The following ERC2 variants were observed in gnomAD, a reference collection of about 807,000 sequenced individuals.
The protein encoded by ERC2 is ELKS/RAB6-interacting/CAST family member 2.
ERC2 carries 42 observed loss-of-function variants against 114.8 expected under a neutral mutation model. The observed-to-expected ratio is 0.37, with a 90% CI of 0.29 to 0.47. The LOEUF (loss-of-function observed/expected upper bound fraction) is 0.47, where lower values mean the gene tolerates loss of function less well. ERC2 is among the 20% of genes least tolerant of loss of function. The pLI is 0.99. For missense variants in ERC2, 939 were observed against 1,150.7 expected, an observed-to-expected ratio of 0.82 and a Z score of 2.66; for synonymous variants, 454 against 425.5, an observed-to-expected ratio of 1.07 and a Z score of -0.82.
chr3:56,383,776 C>G (rs1030557247), intron 2 of ERC2, among the ~76,000 whole-genome samples: 2 of 152,058 alleles, frequency 1.3e-5, no homozygotes, highest in African/African-American at 2.4e-5. Context: ...CAATCATCAC[C>G]ACCATCCATC....
intron 12 of ERC2, among the ~76,000 whole-genome samples, chr3:55,975,288 T>C (rs2069495652): frequency 2.0e-5 from 3 of 152,232 alleles, no homozygotes; most frequent in Non-Finnish European, 2.9e-5. Context: ...TCTGCTGCAA[T>C]TATAGGAACA....
At chr3:56,201,221 A>G (rs1399653807) in intron 3 of ERC2, among the ~76,000 whole-genome samples, 2 of 152,224 alleles carry the variant, frequency 1.3e-5, no homozygotes, top group African/African-American at 4.8e-5. Context: ...CAAGAATTAA[A>G]TCCAGCAAAC....
intron 2 of ERC2, among the ~76,000 whole-genome samples, chr3:56,394,317 T>C (rs2060228764): frequency 6.6e-6 from 1 of 152,216 alleles, no homozygotes; most frequent in Non-Finnish European, 1.5e-5. Context: ...ATATTATTAA[T>C]ATTTCAAATA....
chr3:56,118,134 T>C (rs1025361390), intron 6 of ERC2, among the ~76,000 whole-genome samples: 2 of 152,172 alleles, frequency 1.3e-5, no homozygotes, highest in Non-Finnish European at 2.9e-5. Flanking sequence ...CTTCAGACAA[T>C]GGGGCCTAGA....
chr3:56,133,842 T>C (rs187270889), intron 6 of ERC2, among the ~76,000 whole-genome samples: 2 of 152,340 alleles, frequency 1.3e-5, no homozygotes, highest in Admixed American at 6.5e-5. Flanking sequence ...TTGCACAGCA[T>C]AGATGCCCAG....
intron 17 of ERC2, among the ~76,000 whole-genome samples, chr3:55,679,450 C>A (rs1184397580): frequency 1.3e-5 from 2 of 152,120 alleles, no homozygotes; most frequent in Admixed American, 1.3e-4. Context: ...AAGCCATGAC[C>A]AAAACGTGCA....
intron 3 of ERC2, among the ~76,000 whole-genome samples, chr3:56,188,666 T>C (rs2083788210): frequency 2.0e-5 from 3 of 152,296 alleles, no homozygotes; most frequent in South Asian, 4.1e-4. Flanking sequence ...TGAAGCCTTG[T>C]AGTATAAAAT....
At chr3:55,549,956 G>C (rs1228391016) in intron 17 of ERC2, among the ~76,000 whole-genome samples, 7 of 117,648 alleles carry the variant, frequency 5.9e-5, no homozygotes, top group African/African-American at 2.1e-4. Flanking sequence ...GAGAGAGAGA[G>C]AGACAGAGAG....
At chr3:55,656,239 A>C (rs945416753) in intron 17 of ERC2, among the ~76,000 whole-genome samples, 20 of 152,176 alleles carry the variant, frequency 1.3e-4, no homozygotes, top group South Asian at 2.1e-4. Flanking sequence ...CCTGGTCTCA[A>C]GTGATCTTCC....
At chr3:56,209,931 G>A (rs1053626856) in intron 3 of ERC2, among the ~76,000 whole-genome samples, 1 of 151,992 alleles carries the variant, frequency 6.6e-6, no homozygotes, top group East Asian at 1.9e-4. Context: ...CTCTTACTTC[G>A]CCCTTGACAA....
intron 3 of ERC2, among the ~76,000 whole-genome samples, chr3:56,278,417 G>A (rs76439598): frequency 0.013 from 1,998 of 152,252 alleles, 37 homozygotes; most frequent in African/African-American, 0.044. Context: ...GGTAGATAAG[G>A]AATAACTAAA....
chr3:56,051,268 A>G (rs1051148178), intron 7 of ERC2, among the ~76,000 whole-genome samples: 3 of 148,512 alleles, frequency 2.0e-5, no homozygotes, highest in African/African-American at 7.4e-5. Flanking sequence ...GAATGAAAAC[A>G]TTTACCAGCA....
intron 17 of ERC2, among the ~76,000 whole-genome samples, chr3:55,638,032 A>T (rs2060026462): frequency 1.3e-5 from 2 of 152,172 alleles, no homozygotes; most frequent in Non-Finnish European, 2.9e-5. Flanking sequence ...CTTAAGCCAG[A>T]TTCCTCTTAC....
At chr3:55,744,330 G>C (rs1002918283) in intron 14 of ERC2, among the ~76,000 whole-genome samples, 1 of 152,188 alleles carries the variant, frequency 6.6e-6, no homozygotes, top group African/African-American at 2.4e-5. Flanking sequence ...CTGGAACCCA[G>C]CAGGGGGAGG....
At chr3:55,754,726 G>C (rs1018925940) in intron 14 of ERC2, among the ~76,000 whole-genome samples, 2 of 151,466 alleles carry the variant, frequency 1.3e-5, no homozygotes, top group African/African-American at 4.8e-5. Context: ...AATAACAGAT[G>C]CTAAATATCT....
chr3:55,907,525 G>A (rs2064530940), intron 13 of ERC2, among the ~76,000 whole-genome samples: 2 of 152,182 alleles, frequency 1.3e-5, no homozygotes, highest in African/African-American at 2.4e-5. Context: ...ATGAATCAGA[G>A]GTCTTTGTCT....
intron 17 of ERC2, among the ~76,000 whole-genome samples, chr3:55,577,644 G>C (rs2057051561): frequency 6.6e-6 from 1 of 152,134 alleles, no homozygotes; most frequent in Non-Finnish European, 1.5e-5. Flanking sequence ...ATAGTCACCA[G>C]ATAAGTCAGG....
chr3:56,304,924 A>G (rs2056119416), intron 2 of ERC2, among the ~76,000 whole-genome samples: 2 of 152,168 alleles, frequency 1.3e-5, no homozygotes, highest in African/African-American at 4.8e-5. Flanking sequence ...GAGAAATAAA[A>G]TTACGCTATT....
chr3:56,196,791 G>A lies in ERC2; in HGVS notation c.1075-23271C>T, dbSNP rs1168257601. ...GTTTCTTCAAGATAGTAAATCATGA[G>A]CCATATGTTAGAAATTACCCTTCAC... On this transcript the variant is annotated intron_variant, in intron 3 of 17. Transcript: ENST00000288221. 3.3e-5 allele frequency among the ~76,000 whole-genome samples: 5 copies of A among 152,042 alleles called. No homozygotes were observed. The East Asian group carries it at 9.7e-4, about 29-fold the overall frequency.
Sources: allele counts gnomAD v4.1 joint callset (sites outside exome capture counted in the v4.1 genomes callset), GRCh38; gene constraint gnomAD v4.1.1; transcripts MANE v1.5; gene names NCBI Gene and HGNC (gene_info 2026-07-23, HGNC 2026-07-21).